The following TMEM132D variants were observed in gnomAD, a reference collection of about 807,000 sequenced individuals.
TMEM132D encodes the protein mature OL transmembrane protein.
In TMEM132D, 21 loss-of-function variants were observed where a neutral mutation model predicts 62.3. The observed-to-expected ratio is 0.34, with a 90% CI of 0.24 to 0.49. The LOEUF (loss-of-function observed/expected upper bound fraction) is 0.49, where lower values mean the gene tolerates loss of function less well. Among genes scored for constraint, TMEM132D ranks in the 20% least tolerant of loss-of-function variants. The pLI is 0.99. For synonymous variants in TMEM132D, 621 were observed against 575.6 expected (o/e 1.08, Z -1.13); for missense variants, 1,346 against 1,402.8 (o/e 0.96, Z 0.65).
chr12:129,348,787 A>G (rs956685163), intron 3 of TMEM132D, among the ~76,000 whole-genome samples: 21 of 152,252 alleles, frequency 1.4e-4, no homozygotes, highest in African/African-American at 4.8e-4. Flanking sequence ...AGAGGGAGCC[A>G]TTGGCACCTG....
At chr12:129,242,432 A>T (rs1417736908) in intron 4 of TMEM132D, among the ~76,000 whole-genome samples, 1 of 152,158 alleles carries the variant, frequency 6.6e-6, no homozygotes, top group East Asian at 1.9e-4. Flanking sequence ...ATATATTTAC[A>T]CCAACTTTCT....
chr12:129,809,323 AAT>A (rs1491262258), intron 1 of TMEM132D, among the ~76,000 whole-genome samples: 7 of 140,038 alleles, frequency 5.0e-5, no homozygotes, highest in African/African-American at 1.9e-4. Flanking sequence ...AAAAAAAAAA[AAT>A]TTTTTTTTGA....
intron 2 of TMEM132D, among the ~76,000 whole-genome samples, chr12:129,621,147 C>G (rs969737907): frequency 6.6e-6 from 1 of 152,052 alleles, no homozygotes; most frequent in Non-Finnish European, 1.5e-5. Context: ...CCCCCATATC[C>G]TTCCTCATCT....
At chr12:129,342,112 C>T (rs1321743400) in intron 3 of TMEM132D, among the ~76,000 whole-genome samples, 10 of 152,094 alleles carry the variant, frequency 6.6e-5, no homozygotes, top group Admixed American at 1.3e-4. Context: ...GAGCCAGCAT[C>T]GCCAAGTCAA....
At chr12:129,542,556 C>T (rs1286783953) in intron 2 of TMEM132D, among the ~76,000 whole-genome samples, 2 of 152,124 alleles carry the variant, frequency 1.3e-5, no homozygotes. Context: ...CCTCTTGCTA[C>T]AGACATCTAT....
intron 1 of TMEM132D, among the ~76,000 whole-genome samples, chr12:129,806,136 G>A (rs111452440): frequency 3.2e-5 from 1 of 31,498 alleles, no homozygotes; most frequent in Non-Finnish European, 7.7e-5. Flanking sequence ...TCAGTGTGGC[G>A]ATTCCTCAGG....
intron 3 of TMEM132D, among the ~76,000 whole-genome samples, chr12:129,430,485 T>C (rs1375284314): frequency 6.6e-6 from 1 of 152,102 alleles, no homozygotes; most frequent in Non-Finnish European, 1.5e-5. Context: ...GCCCTTTGTT[T>C]TTCTTATTTT....
At chr12:129,888,077 ACT>A (rs542948042) in intron 1 of TMEM132D, among the ~76,000 whole-genome samples, 186 of 152,322 alleles carry the variant, frequency 1.2e-3, no homozygotes, top group Non-Finnish European at 2.4e-3. Flanking sequence ...CAGTAGTTTT[ACT>A]GATCTCACAT....
Position 129,346,842 on chromosome 12 carries a change from A to G in TMEM132D, c.1116-9025T>C, listed in dbSNP as rs181673404. ...CAGCCCAAAAACTCCTTAAGCTGAT[A>G]GGCAACTTCGGCAAAGTCTTAGGAT... On this transcript the variant is annotated intron_variant, in intron 3 of 8. Transcript: ENST00000422113. 3.9e-5 allele frequency among the ~76,000 whole-genome samples: 6 copies of G among 152,358 alleles called. No individual in the cohort carries two copies. In the East Asian group the frequency reaches 1.2e-3, roughly 29 times the overall value.
intron 3 of TMEM132D, among the ~76,000 whole-genome samples, chr12:129,392,639 C>T (rs1303738701): frequency 6.6e-6 from 1 of 152,204 alleles, no homozygotes; most frequent in Non-Finnish European, 1.5e-5. Flanking sequence ...AATGCTGACT[C>T]ATGGTGCCCT....
chr12:129,363,265 C>T (rs1204171491), intron 3 of TMEM132D, among the ~76,000 whole-genome samples: 2 of 152,196 alleles, frequency 1.3e-5, no homozygotes, highest in African/African-American at 2.4e-5. Flanking sequence ...TGTCCCCAAA[C>T]GTCTGCACCT....
intron 1 of TMEM132D, among the ~76,000 whole-genome samples, chr12:129,889,181 C>T (rs566338504): frequency 6.6e-6 from 1 of 152,278 alleles, no homozygotes; most frequent in African/African-American, 2.4e-5. Flanking sequence ...TCAAGCCTTG[C>T]CTGATGCCAT....
intron 4 of TMEM132D, among the ~76,000 whole-genome samples, chr12:129,237,888 G>T (rs1298628334): frequency 6.6e-6 from 1 of 152,168 alleles, no homozygotes; most frequent in African/African-American, 2.4e-5. Flanking sequence ...GCTGAGGCAG[G>T]AGAATCGCTT....
intron 1 of TMEM132D, among the ~76,000 whole-genome samples, chr12:129,764,582 A>G (rs777452919): frequency 1.3e-5 from 1 of 74,476 alleles, no homozygotes; most frequent in Admixed American, 1.6e-4. Flanking sequence ...GTGTATTTGT[A>G]TGTGTGTTTG....
rs146872639 is a variant in TMEM132D, at chr12:129,848,403, G to A, written c.79+54858C>T. Among the ~76,000 whole-genome samples the A allele has an allele frequency of 6.8e-4, 104 of 152,202 alleles. No homozygotes were observed. In the Middle Eastern group the frequency reaches 0.01, roughly 15 times the overall value. ...CGATAGATAATAAGAACTGTCTCCC[G>A]GTACCGGAATGCTTCAGCTTGGTCT... On this transcript the variant is annotated intron_variant, in intron 1 of 8. Coordinates refer to ENST00000422113, the MANE Select transcript of TMEM132D (RefSeq NM_133448.3).
intron 1 of TMEM132D, among the ~76,000 whole-genome samples, chr12:129,775,614 C>A (rs1053735321): frequency 6.6e-6 from 1 of 151,880 alleles, no homozygotes; most frequent in Non-Finnish European, 1.5e-5. Flanking sequence ...AGAAGGGATG[C>A]GAGAAGATAA....
chr12:129,886,313 C>A (rs984180443), intron 1 of TMEM132D, among the ~76,000 whole-genome samples: 2 of 151,958 alleles, frequency 1.3e-5, no homozygotes, highest in Non-Finnish European at 1.5e-5. Context: ...ATAGTAAGAC[C>A]GGAGATGGAA....
intron 1 of TMEM132D, among the ~76,000 whole-genome samples, chr12:129,826,339 A>C (rs1872664373): frequency 6.6e-6 from 1 of 152,126 alleles, no homozygotes; most frequent in African/African-American, 2.4e-5. Context: ...AACCGCCTAG[A>C]GGTGTCGTAG....
At chr12:129,136,765 C>CCATCAT (rs200268879) in intron 5 of TMEM132D, among the ~76,000 whole-genome samples, 1 of 116,648 alleles carries the variant, frequency 8.6e-6, no homozygotes, top group African/African-American at 3.3e-5. Context: ...ACCATCATCA[C>CCATCAT]CATCATCACC....
Sources: allele counts gnomAD v4.1 joint callset (sites outside exome capture counted in the v4.1 genomes callset), GRCh38; gene constraint gnomAD v4.1.1; transcripts MANE v1.5; gene names NCBI Gene and HGNC (gene_info 2026-07-23, HGNC 2026-07-21).